The following COL19A1 variants were observed in gnomAD, a reference collection of about 807,000 sequenced individuals.
COL19A1 encodes collagen type XIX alpha 1 chain.
In COL19A1, 159 loss-of-function variants were observed where a neutral mutation model predicts 190.2. The ratio of observed to expected loss-of-function variants is 0.84; its 90% CI spans 0.73 to 0.95. The LOEUF (loss-of-function observed/expected upper bound fraction) is 0.95, where lower values mean the gene tolerates loss of function less well. COL19A1 is among the 40% of genes least tolerant of loss of function. The pLI, the probability that COL19A1 is intolerant of heterozygous loss-of-function variation, is 0.00. For synonymous variants in COL19A1, 509 were observed against 458.9 expected, an observed-to-expected ratio of 1.11 and a Z score of -1.39; for missense variants, 1,418 against 1,431.9, an observed-to-expected ratio of 0.99 and a Z score of 0.16.
At chr6:70,193,515 G>A (rs575703211) in intron 48 of COL19A1, among the ~76,000 whole-genome samples, 14 of 152,246 alleles carry the variant, frequency 9.2e-5, no homozygotes, top group East Asian at 5.8e-4. Context: ...CTCTTACTGC[G>A]TCTCTGTCTC....
chr6:69,927,862 T>G (rs1191152321), intron 4 of COL19A1, 47 bp from the exon 5 acceptor site: 2 of 1,566,456 alleles, frequency 1.3e-6, no homozygotes, highest in African/African-American at 2.7e-5. Flanking sequence ...TTTATTTTCT[T>G]GCAATCTCCA....
At chr6:69,963,307 C>T (rs1380717392) in intron 11 of COL19A1, among the ~76,000 whole-genome samples, 1 of 152,076 alleles carries the variant, frequency 6.6e-6, no homozygotes, top group East Asian at 1.9e-4. Flanking sequence ...ACTTGGCATA[C>T]TAAAACTCGA....
At chr6:69,908,428 G>T (rs1197856327) in intron 4 of COL19A1, among the ~76,000 whole-genome samples, 1 of 152,148 alleles carries the variant, frequency 6.6e-6, no homozygotes, top group Non-Finnish European at 1.5e-5. Context: ...TGTTATACAT[G>T]ATTATGTCAT....
intron 11 of COL19A1, among the ~76,000 whole-genome samples, chr6:69,983,611 C>T (rs1241972284): frequency 6.6e-6 from 1 of 152,004 alleles, no homozygotes; most frequent in South Asian, 2.1e-4. Context: ...TGTAGAGACC[C>T]TTTCTTAGAA....
intron 48 of COL19A1, among the ~76,000 whole-genome samples, chr6:70,193,606 C>T (rs1767012262): frequency 6.6e-6 from 1 of 152,176 alleles, no homozygotes; most frequent in Admixed American, 6.5e-5. Flanking sequence ...GTGTCTTAGC[C>T]TTAAGACAAT....
chr6:69,980,854 A>G (rs578086888), intron 11 of COL19A1, among the ~76,000 whole-genome samples: 6 of 152,352 alleles, frequency 3.9e-5, no homozygotes, highest in Middle Eastern at 3.4e-3. Flanking sequence ...CTGTTGCTGG[A>G]TGTGATTCAA....
At chr6:69,939,190 T>C (rs552828384) in intron 9 of COL19A1, among the ~76,000 whole-genome samples, 1 of 152,266 alleles carries the variant, frequency 6.6e-6, no homozygotes, top group South Asian at 2.1e-4. Flanking sequence ...CTCTTTAAAA[T>C]GCATTGCTTG....
intron 11 of COL19A1, among the ~76,000 whole-genome samples, chr6:69,964,278 A>G (rs1774969895): frequency 6.6e-6 from 1 of 152,192 alleles, no homozygotes; most frequent in Non-Finnish European, 1.5e-5. Context: ...TAATAACCAT[A>G]CTTTTGGAGA....
At chr6:70,028,080 C>A (rs148929619) in intron 12 of COL19A1, among the ~76,000 whole-genome samples, 107 of 152,164 alleles carry the variant, frequency 7.0e-4, no homozygotes, top group Middle Eastern at 3.4e-3. Flanking sequence ...AGATAATTTT[C>A]CCTTCCCCTC....
At chr6:70,161,760 T>C (rs1348773058) in intron 34 of COL19A1, 140 bp from the exon 35 acceptor site, 2 of 550,610 alleles carry the variant, frequency 3.6e-6, no homozygotes, top group African/African-American at 3.9e-5. Flanking sequence ...ATTAAAAAAG[T>C]ATATTTGTAT....
At chr6:70,155,479 AAGCCTTCCCAGATCAACTAAAGGTTGC>A (rs1365776804) in intron 31 of COL19A1, among the ~76,000 whole-genome samples, 1 of 152,156 alleles carries the variant, frequency 6.6e-6, no homozygotes, top group Non-Finnish European at 1.5e-5. Flanking sequence ...ACTTGAAGTC[AAGCCTTCCCAGATCAACTAAAGGTTGC>A]AGAGAAGGCA....
At chr6:69,868,228 C>T (rs1051638007) in intron 1 of COL19A1, among the ~76,000 whole-genome samples, 13 of 151,672 alleles carry the variant, frequency 8.6e-5, no homozygotes, top group African/African-American at 3.1e-4. Flanking sequence ...AAAAGAGCCC[C>T]TGCTCGTATG....
At chr6:70,138,924 C>T (rs1786055217) in intron 19 of COL19A1, among the ~76,000 whole-genome samples, 1 of 152,044 alleles carries the variant, frequency 6.6e-6, no homozygotes, top group Admixed American at 6.6e-5. Flanking sequence ...TACCTGCCAA[C>T]TCTCTAGGTG....
Position 69,959,994 on chromosome 6 carries a change from A to G in COL19A1, c.937-2A>G, listed in dbSNP as rs1004995142. 15 of 1,613,072 alleles carry G rather than the reference A, an allele frequency of 9.3e-6. No homozygotes were observed. In the Admixed American group the frequency reaches 1.0e-4, roughly 11 times the overall value. Reference sequence around the variant, plus strand: ...AAACATTATTCTGTGTACTTCTTTTAGGGTGAAAATGGTTTACATGGTGCT... The same window carrying G: ...AAACATTATTCTGTGTACTTCTTTTGGGGTGAAAATGGTTTACATGGTGCT... On this transcript the variant is annotated splice_acceptor_variant, in intron 9 of 50. Transcript: ENST00000620364. LOFTEE classifies it high-confidence loss of function.
At chr6:69,927,770 AAAGAG>A in intron 4 of COL19A1, 134 bp from the exon 5 acceptor site, 1 of 1,114,976 alleles carries the variant, frequency 9.0e-7, no homozygotes, top group Non-Finnish European at 1.2e-6. Context: ...TTTTAAAAGG[AAAGAG>A]AAAAGTGCAT....
chr6:70,187,719 G>A (rs1181300481), intron 46 of COL19A1, among the ~76,000 whole-genome samples: 1 of 151,876 alleles, frequency 6.6e-6, no homozygotes, highest in East Asian at 1.9e-4. Context: ...CATTGCAAAG[G>A]AGACCCAGAC....
chr6:70,156,759 T>C (rs897760199), intron 34 of COL19A1, 36 bp downstream of exon 34: 13 of 1,533,468 alleles, frequency 8.5e-6, no homozygotes, highest in Admixed American at 1.7e-5. Context: ...AGTCCTAATA[T>C]TGATTCTCTT....
Position 69,936,034 on chromosome 6 carries a change from GA to G in COL19A1, c.748-748del, listed in dbSNP as rs1251130384. The stretch of plus-strand genomic sequence containing the variant: ...CTCTCTCCTAGTGCTTTCTCTTCGT[GA>G]AATTGCAAATTCAGAGTGGAAAACT... On this transcript the variant is annotated intron_variant, in intron 7 of 50. Coordinates refer to ENST00000620364, the MANE Select transcript of COL19A1 (RefSeq NM_001858.6). Among the ~76,000 whole-genome samples, 5 of 152,196 alleles carry G rather than the reference GA, an allele frequency of 3.3e-5. No homozygotes were observed. In the East Asian group the frequency reaches 9.6e-4, roughly 29 times the overall value.
In COL19A1 at chr6:70,137,668, C is replaced by T. The variant is rs774214805; in HGVS notation, c.1384-17C>T. ...TCTAACCATCTGCAAAATCTCTCTT[C>T]TGCTTTGTCTTGAAAGGGTGAAACT... On this transcript the variant is annotated splice_polypyrimidine_tract_variant and intron_variant, in intron 18 of 50. Transcript: ENST00000620364. 4 of 1,612,758 alleles carry T rather than the reference C, an allele frequency of 2.5e-6. No homozygotes were observed. Among genetic ancestry groups the T allele is most frequent in the Non-Finnish European group, 3.4e-6 (4 of 1,179,124 alleles).
Sources: gnomAD v4.1 joint callset for allele counts (sites outside exome capture counted in the v4.1 genomes callset) on GRCh38, gnomAD v4.1.1 for gene constraint, MANE v1.5 for transcripts, NCBI Gene and HGNC (gene_info 2026-07-23, HGNC 2026-07-21) for gene names.